RFX8: variants seen among roughly 807,000 people sequenced by gnomAD.
RFX8 encodes DNA-binding protein RFX8.
Under a neutral mutation model 54.6 loss-of-function variants are expected in RFX8, and 46 were observed. That is an observed-to-expected ratio of 0.84 (90% CI 0.67 to 1.08). The LOEUF (loss-of-function observed/expected upper bound fraction) is 1.08, where lower values mean the gene tolerates loss of function less well. RFX8 is among the 50% of genes least tolerant of loss of function. RFX8 has a pLI of 0.00. For synonymous variants in RFX8, 192 were observed against 209.5 expected (o/e 0.92, Z 0.72); for missense variants, 536 against 562.3 (o/e 0.95, Z 0.47).
At chr2:101,431,349 T>C (rs568719236) in intron 2 of RFX8, among the ~76,000 whole-genome samples, 4 of 152,286 alleles carry the variant, frequency 2.6e-5, no homozygotes, top group South Asian at 2.1e-4. Flanking sequence ...AGCTGAAGTG[T>C]CGGGTGCTAG....
chr2:101,450,471 T>C, intron 2 of RFX8: 1 of 566,212 alleles, frequency 1.8e-6, no homozygotes, highest in Non-Finnish European at 3.1e-6. Context: ...CAAGCGGTTC[T>C]TGTGCCCCAG....
chr2:101,427,968 T>TC (rs941614491), intron 2 of RFX8, among the ~76,000 whole-genome samples: 3 of 151,858 alleles, frequency 2.0e-5, no homozygotes, highest in African/African-American at 4.8e-5. Context: ...AATGTTGTTA[T>TC]CCCCCCCGCC....
At chr2:101,431,854 G>A (rs1025147795) in intron 2 of RFX8, among the ~76,000 whole-genome samples, 4 of 152,078 alleles carry the variant, frequency 2.6e-5, no homozygotes, top group African/African-American at 9.7e-5. Context: ...AAGCCTGAAG[G>A]GACGTGCCTG....
At chr2:101,472,568 A>T (rs1440075927) in intron 1 of RFX8, among the ~76,000 whole-genome samples, 1 of 152,196 alleles carries the variant, frequency 6.6e-6, no homozygotes, top group African/African-American at 2.4e-5. Context: ...AGTAAGTCAG[A>T]CTGTCTGCTA....
chr2:101,421,283 A>T, intron 4 of RFX8: 1 of 986,594 alleles, frequency 1.0e-6, no homozygotes, highest in Non-Finnish European at 1.2e-6. Context: ...TTCCACAGCC[A>T]ATTCTAGGAT....
At chr2:101,469,793 T>C (rs1301337065) in intron 1 of RFX8, among the ~76,000 whole-genome samples, 1 of 152,056 alleles carries the variant, frequency 6.6e-6, no homozygotes, top group African/African-American at 2.4e-5. Context: ...GTTACCTAAG[T>C]GGAATAGGAA....
intron 2 of RFX8, chr2:101,429,128 T>A: frequency 1.5e-6 from 1 of 656,914 alleles, no homozygotes; most frequent in Non-Finnish European, 2.7e-6. Flanking sequence ...GTATAACTTT[T>A]ATTGAAAAAC....
rs2104569258 is a variant in RFX8, at chr2:101,417,616, C to T, written c.420G>A (p.Gln140=). 6.4e-7 allele frequency: 1 copy of T among 1,551,526 alleles called. No homozygotes were observed. The highest frequency in any genetic ancestry group is 2.4e-5 in the East Asian group (1 of 40,924). The part of the protein sequence containing the change: ...DVSIQYLKSV[Q]LFSKKFKLWL... ...ACAGCTTAAATTTCTTACTAAATAA[C>T]TGCACAGATTTCAGGTACTGAATAG... The change falls in exon 6 of 12, where the codon CAG becomes CAA. Residue 140 remains glutamine, a synonymous_variant. Transcript: ENST00000428343.
At chr2:101,457,927 C>T (rs895884170) in intron 2 of RFX8, among the ~76,000 whole-genome samples, 2 of 152,166 alleles carry the variant, frequency 1.3e-5, no homozygotes, top group Non-Finnish European at 2.9e-5. Flanking sequence ...AGACAGTTAG[C>T]TCTTCTTGTT....
chr2:101,466,915 G>C lies in RFX8; in HGVS notation c.-52-15C>G, dbSNP rs1297602288. On this transcript the variant is annotated splice_polypyrimidine_tract_variant and intron_variant, in intron 1 of 11. Coordinates refer to ENST00000428343, the MANE Select transcript of RFX8 (RefSeq NM_001145664.2). The stretch of plus-strand genomic sequence containing the variant: ...TGTCGACCAACCTGGAGGAGAGGAG[G>C]ACAAGGAGGAGGAAATTGGCATTTG... The C allele has an allele frequency of 8.5e-7, 1 of 1,176,140 alleles. No homozygotes were observed. Among genetic ancestry groups the C allele is most frequent in the Admixed American group, 2.1e-5 (1 of 48,698 alleles). The allele number at this position is 1,176,140 out of a possible 1,614,324, so 72.9% of individuals were successfully genotyped here.
At chr2:101,469,084 ATATATATAAGTATATATATATAAGTG>A (rs1558896802) in intron 1 of RFX8, among the ~76,000 whole-genome samples, 1,864 of 52,120 alleles carry the variant, frequency 0.036, 197 homozygotes, top group African/African-American at 0.18. Flanking sequence ...ATATAAGTGT[ATATATATAAGTATATATATATAAGTG>A]TATATATATA....
intron 9 of RFX8, among the ~76,000 whole-genome samples, chr2:101,407,586 G>A (rs140330695): frequency 0.014 from 2,207 of 152,224 alleles, 66 homozygotes; most frequent in Non-Finnish European, 0.016. Context: ...CAGCTACTCC[G>A]GAGGCTGAGG....
At chr2:101,460,293 T>C (rs1300081616) in intron 2 of RFX8, among the ~76,000 whole-genome samples, 1 of 146,590 alleles carries the variant, frequency 6.8e-6, no homozygotes, top group Non-Finnish European at 1.5e-5. Flanking sequence ...GGAACCTCAG[T>C]TGGATATGCA....
chr2:101,436,488 G>A (rs1687790328), intron 2 of RFX8, among the ~76,000 whole-genome samples: 1 of 152,128 alleles, frequency 6.6e-6, no homozygotes, highest in Admixed American at 6.6e-5. Flanking sequence ...AGCAAGGCGT[G>A]CTCTTTTTAA....
At chr2:101,440,027 G>A (rs981256557) in intron 2 of RFX8, among the ~76,000 whole-genome samples, 1 of 151,632 alleles carries the variant, frequency 6.6e-6, no homozygotes, top group African/African-American at 2.4e-5. Flanking sequence ...TTTTCATCAA[G>A]TTTGTTTGAG....
Position 101,440,942 on chromosome 2 carries a change from G to T in RFX8, c.73-18470C>A, listed in dbSNP as rs1396248328. Among the ~76,000 whole-genome samples the T allele has an allele frequency of 2.7e-5, 4 of 146,372 alleles. No homozygotes were observed. The South Asian group carries it at 8.8e-4, about 32-fold the overall frequency. On this transcript the variant is annotated intron_variant, in intron 2 of 11. Transcript: ENST00000428343. Reference sequence around the variant, plus strand: ...GGTCCTTGTTATGGTTTGAATATTTGTCCCCTCTGAAACCCATGTTGAAAT... The same window carrying T: ...GGTCCTTGTTATGGTTTGAATATTTTTCCCCTCTGAAACCCATGTTGAAAT...
At position 101,402,446 on chromosome 2, in the gene RFX8, A is replaced by G. The variant is rs2175968; in HGVS notation, c.1235T>C (p.Met412Thr). The change falls in exon 11 of 12, where the codon ATG becomes ACG. Residue 412 changes from methionine (M) to threonine (T), a missense_variant. Transcript: ENST00000428343. ...RILGFLVDTA[M>T]GNKLIQVLLE... ...TCCTGGTGTCCCTACCTTATTGCCCATGGCAGTGTCCACCAGGAAGCCCAG... is the reference window on the plus strand; with the variant it reads ...TCCTGGTGTCCCTACCTTATTGCCCGTGGCAGTGTCCACCAGGAAGCCCAG... 0.52 allele frequency: 806,360 copies of G among 1,546,860 alleles called. 213,350 individuals are homozygous for G. The highest frequency in any genetic ancestry group is 0.54 in the Non-Finnish European group (612,432 of 1,143,006).
intron 2 of RFX8, among the ~76,000 whole-genome samples, chr2:101,465,421 A>T (rs1689518920): frequency 6.6e-6 from 1 of 152,196 alleles, no homozygotes; most frequent in Non-Finnish European, 1.5e-5. Flanking sequence ...GAGGCACGGG[A>T]ATCGCTTGAA....
chr2:101,474,205 T>TG, intron 1 of RFX8: 1 of 591,078 alleles, frequency 1.7e-6, no homozygotes, highest in Non-Finnish European at 3.0e-6. Flanking sequence ...GGCTCACCAC[T>TG]GGATGACGCC....
Sources: gnomAD v4.1 joint callset for allele counts (sites outside exome capture counted in the v4.1 genomes callset) on GRCh38, gnomAD v4.1.1 for gene constraint, MANE v1.5 for transcripts, NCBI Gene and HGNC (gene_info 2026-07-23, HGNC 2026-07-21) for gene names.